STARD13: variants seen among roughly 807,000 people sequenced by gnomAD.
STARD13 encodes StAR related lipid transfer domain containing 13.
In STARD13, 62 loss-of-function variants were observed where a neutral mutation model predicts 106.4. The observed-to-expected ratio is 0.58, with a 90% confidence interval of 0.48 to 0.72. The LOEUF (loss-of-function observed/expected upper bound fraction) is 0.72, where lower values mean the gene tolerates loss of function less well. Ranked by LOEUF, STARD13 falls within the 30% of genes least tolerant of loss-of-function variation. STARD13 has a pLI of 0.00. For synonymous variants in STARD13, 565 were observed against 553.0 expected, an observed-to-expected ratio of 1.02 and a Z score of -0.31; for missense variants, 1,387 against 1,424.0, an observed-to-expected ratio of 0.97 and a Z score of 0.42.
the STARD13 span, among the ~76,000 whole-genome samples, chr13:33,568,920 C>T: frequency 6.8e-6 from 1 of 147,712 alleles, no homozygotes. Context: ...ATTGAGTTCT[C>T]CTATAGAAAA....
intron 3 of STARD13, among the ~76,000 whole-genome samples, chr13:33,161,600 C>G (rs142116958): frequency 6.6e-6 from 1 of 152,342 alleles, no homozygotes; most frequent in Non-Finnish European, 1.5e-5. Flanking sequence ...CAGGCATGAG[C>G]CACAACACCT....
At chr13:33,342,422 C>T (rs1369082652) in intron 1 of STARD13, among the ~76,000 whole-genome samples, 1 of 152,080 alleles carries the variant, frequency 6.6e-6, no homozygotes, top group African/African-American at 2.4e-5. Flanking sequence ...TGTGCATATG[C>T]AGGCAACTTG....
chr13:33,443,713 G>A, the STARD13 span, among the ~76,000 whole-genome samples: 4 of 151,412 alleles, frequency 2.6e-5, no homozygotes, highest in Non-Finnish European at 5.9e-5. Context: ...ATGAAACCCC[G>A]TCTCTACTGA....
At chr13:33,305,630 G>A (rs568090966) in intron 1 of STARD13, among the ~76,000 whole-genome samples, 103 of 152,302 alleles carry the variant, frequency 6.8e-4, no homozygotes, top group Admixed American at 1.5e-3. Context: ...GGGTTCTATG[G>A]AAACCTGCAG....
intron 3 of STARD13, among the ~76,000 whole-genome samples, chr13:33,146,730 A>T (rs1880596782): frequency 6.6e-6 from 1 of 152,222 alleles, no homozygotes; most frequent in Admixed American, 6.5e-5. Context: ...CTTTTTAAGA[A>T]AGCTGTAAAT....
At chr13:33,528,226 G>GTGTATATATATATATATACA in the STARD13 span, among the ~76,000 whole-genome samples, 3 of 101,002 alleles carry the variant, frequency 3.0e-5, no homozygotes, top group South Asian at 2.7e-4. Context: ...GTGTGTGTGT[G>GTGTATATATATATATATACA]TATATATATA....
the STARD13 span, among the ~76,000 whole-genome samples, chr13:33,417,615 T>C: frequency 6.6e-6 from 1 of 152,202 alleles, no homozygotes; most frequent in Non-Finnish European, 1.5e-5. Context: ...GGATCCATGC[T>C]GCAACATGAA....
chr13:33,129,964 T>A lies in STARD13; in HGVS notation c.713A>T (p.Asp238Val). Residue 238 changes from aspartate (D) to valine (V), a missense_variant, in exon 5 of 14, where the codon GAT becomes GTT. Transcript: ENST00000336934. ...GGGGTGGAAGGGGTGGTTGAGGACATCTCTGGGGGGCTGTGGGAGGCTGCT... is the reference window on the plus strand; with the variant it reads ...GGGGTGGAAGGGGTGGTTGAGGACAACTCTGGGGGGCTGTGGGAGGCTGCT... The part of the protein sequence containing the change: ...VSSSLPQPPR[D>V]VLNHPFHPKN... 6.2e-7 allele frequency: 1 copy of A among 1,613,298 alleles called. No homozygotes were observed. The highest frequency in any genetic ancestry group is 2.2e-5 in the East Asian group (1 of 44,838).
At chr13:33,439,814 A>T in the STARD13 span, 1 of 626,348 alleles carries the variant, frequency 1.6e-6, no homozygotes, top group African/African-American at 2.0e-5. Flanking sequence ...AAGATTGTAA[A>T]ATTAGAATCA....
chr13:33,221,383 T>C (rs962813083), intron 1 of STARD13, among the ~76,000 whole-genome samples: 9 of 152,246 alleles, frequency 5.9e-5, no homozygotes, highest in African/African-American at 2.2e-4. Flanking sequence ...GCTTCACCCA[T>C]GTTGTAGCAC....
intron 5 of STARD13, among the ~76,000 whole-genome samples, chr13:33,128,137 G>A (rs1877520369): frequency 6.6e-6 from 1 of 151,880 alleles, no homozygotes; most frequent in African/African-American, 2.4e-5. Context: ...AATATAGACA[G>A]AGGACAGACA....
upstream of STARD13, among the ~76,000 whole-genome samples, chr13:33,286,171 C>CAAA (rs112494237): frequency 6.6e-5 from 10 of 150,950 alleles, no homozygotes; most frequent in African/African-American, 2.4e-4. Context: ...CACAACACAA[C>CAAA]AAAAAAAAAC....
the STARD13 span, among the ~76,000 whole-genome samples, chr13:33,654,132 A>G: frequency 6.6e-6 from 1 of 152,248 alleles, no homozygotes; most frequent in Non-Finnish European, 1.5e-5. Context: ...AAAGTTAAAC[A>G]TAGTTACCAC....
chr13:33,363,833 T>G, the STARD13 span, among the ~76,000 whole-genome samples: 1 of 152,194 alleles, frequency 6.6e-6, no homozygotes, highest in Non-Finnish European at 1.5e-5. Flanking sequence ...GCTCAATATA[T>G]ATTTACTGAG....
At chr13:33,503,461 T>C in the STARD13 span, among the ~76,000 whole-genome samples, 1 of 152,346 alleles carries the variant, frequency 6.6e-6, no homozygotes, top group South Asian at 2.1e-4. Context: ...CTAGTTCTTT[T>C]AATTGTGATG....
chr13:33,217,874 T>G (rs1395988954), intron 1 of STARD13, among the ~76,000 whole-genome samples: 1 of 152,194 alleles, frequency 6.6e-6, no homozygotes, highest in Non-Finnish European at 1.5e-5. Flanking sequence ...GCCCTCAGTC[T>G]AGCAGGACAG....
In STARD13 at chr13:33,200,272, A is replaced by T. The variant is rs577886118; in HGVS notation, c.170-32650T>A. Among the ~76,000 whole-genome samples the T allele has an allele frequency of 1.1e-4, 17 of 152,280 alleles. No individual in the cohort carries two copies. The South Asian group carries it at 3.5e-3, about 32-fold the overall frequency. On this transcript the variant is annotated intron_variant, in intron 1 of 13. Transcript: ENST00000336934. ...GCTAGCCGCTTGCTCTGTCATTCAC[A>T]TCTAGCTCCCCTAACCAGCCTGGCT...
the STARD13 span, among the ~76,000 whole-genome samples, chr13:33,580,438 G>A: frequency 6.6e-6 from 1 of 152,044 alleles, no homozygotes; most frequent in Non-Finnish European, 1.5e-5. Context: ...GGCATTTTTA[G>A]GAAGGTGAAA....
chr13:33,499,519 T>TTTCTTTCTTCTTC, the STARD13 span, among the ~76,000 whole-genome samples: 1 of 91,886 alleles, frequency 1.1e-5, no homozygotes, highest in African/African-American at 4.0e-5. Context: ...TTCTTCTTTC[T>TTTCTTTCTTCTTC]TTCTTCTTCT....
Sources: gnomAD v4.1 joint callset for allele counts (sites outside exome capture counted in the v4.1 genomes callset) on GRCh38, gnomAD v4.1.1 for gene constraint, MANE v1.5 for transcripts, NCBI Gene and HGNC (gene_info 2026-07-23, HGNC 2026-07-21) for gene names.